Variants in MAP3K5 observed in about 807,000 individuals in gnomAD.
MAP3K5 encodes the protein mitogen-activated protein kinase kinase kinase 5.
In MAP3K5, 56 loss-of-function variants were observed where a neutral mutation model predicts 158.7. The ratio of observed to expected loss-of-function variants is 0.35; its 90% CI spans 0.28 to 0.44. MAP3K5 has a LOEUF of 0.44. Ranked by LOEUF, MAP3K5 falls within the 20% of genes least tolerant of loss-of-function variation. The probability of loss-of-function intolerance (pLI) is 1.00; values close to 1 mark genes in which losing one functional copy is unlikely to be tolerated. For synonymous variants in MAP3K5, 579 were observed against 601.7 expected (o/e 0.96, Z 0.55); for missense variants, 1,294 against 1,674.8 (o/e 0.77, Z 3.97).
chr6:136,784,087 C>A (rs776155606), intron 1 of MAP3K5, among the ~76,000 whole-genome samples: 2 of 152,186 alleles, frequency 1.3e-5, no homozygotes, highest in African/African-American at 4.8e-5. Context: ...GCCAAGGCCA[C>A]GGGTGAGACA....
At chr6:136,710,530 A>G (rs1329399713) in intron 2 of MAP3K5, among the ~76,000 whole-genome samples, 1 of 152,120 alleles carries the variant, frequency 6.6e-6, no homozygotes, top group Non-Finnish European at 1.5e-5. Flanking sequence ...TTGAAGGCAA[A>G]GACTAACTTT....
chr6:136,605,634 A>C (rs1264581320), intron 18 of MAP3K5, among the ~76,000 whole-genome samples: 1 of 152,236 alleles, frequency 6.6e-6, no homozygotes, highest in African/African-American at 2.4e-5. Flanking sequence ...TAGACAGTGG[A>C]GTATAAGTGA....
At chr6:136,768,708 G>A (rs1337427860) in intron 1 of MAP3K5, among the ~76,000 whole-genome samples, 2 of 152,064 alleles carry the variant, frequency 1.3e-5, no homozygotes, top group African/African-American at 4.8e-5. Flanking sequence ...GAGGTCAGGG[G>A]TTCGAGACCA....
intron 1 of MAP3K5, among the ~76,000 whole-genome samples, chr6:136,770,824 TA>T (rs1784167528): frequency 6.6e-6 from 1 of 152,128 alleles, no homozygotes; most frequent in Non-Finnish European, 1.5e-5. Flanking sequence ...AATCTGCACT[TA>T]AAAGGGATAA....
intron 1 of MAP3K5, among the ~76,000 whole-genome samples, chr6:136,788,075 G>C (rs983619998): frequency 6.6e-6 from 1 of 152,190 alleles, no homozygotes; most frequent in Non-Finnish European, 1.5e-5. Flanking sequence ...CCTGTTTATG[G>C]CTGCTCTTGA....
chr6:136,672,849 G>A (rs1009059799), intron 7 of MAP3K5, among the ~76,000 whole-genome samples: 7 of 151,870 alleles, frequency 4.6e-5, no homozygotes, highest in Admixed American at 2.0e-4. Flanking sequence ...AATTAGCCAG[G>A]CATGGTGGTG....
chr6:136,658,772 C>G (rs1199968130), intron 9 of MAP3K5, among the ~76,000 whole-genome samples: 1 of 152,142 alleles, frequency 6.6e-6, no homozygotes, highest in African/African-American at 2.4e-5. Flanking sequence ...TGTCATCAGT[C>G]AAATCCTAAG....
intron 2 of MAP3K5, among the ~76,000 whole-genome samples, chr6:136,707,569 G>GA (rs776509310): frequency 0.031 from 4,764 of 151,530 alleles, 80 homozygotes; most frequent in Admixed American, 0.043. Flanking sequence ...GGGGGGGGGG[G>GA]AACCCCTTGA....
In MAP3K5 at chr6:136,763,518, C is replaced by T. The variant is rs77225822; in HGVS notation, c.448+28192G>A. Reference sequence around the variant, plus strand: ...TTTCTACCCACCCTATCTATAGAAACTGAAAATTTACAGAGGGAAAAAAAA... The same window carrying T: ...TTTCTACCCACCCTATCTATAGAAATTGAAAATTTACAGAGGGAAAAAAAA... On this transcript the variant is annotated intron_variant, in intron 1 of 29. Transcript: ENST00000359015. Among the ~76,000 whole-genome samples, 639 of 152,256 alleles carry T rather than the reference C, an allele frequency of 4.2e-3. 4 individuals carry two copies. The highest frequency in any genetic ancestry group is 0.015 in the African/African-American group (613 of 41,554).
chr6:136,786,087 T>A (rs1482256022), intron 1 of MAP3K5, among the ~76,000 whole-genome samples: 1 of 152,028 alleles, frequency 6.6e-6, no homozygotes, highest in Non-Finnish European at 1.5e-5. Context: ...TTAAAAAAAA[T>A]TTAGGGCTGG....
intron 7 of MAP3K5, among the ~76,000 whole-genome samples, chr6:136,681,989 A>G (rs1219229244): frequency 9.2e-5 from 14 of 152,176 alleles, no homozygotes; most frequent in Admixed American, 9.2e-4. Context: ...CCAATCCATC[A>G]TCTGCTGAAT....
At chr6:136,595,275 C>A (rs6928133) in intron 21 of MAP3K5, among the ~76,000 whole-genome samples, 4,805 of 152,186 alleles carry the variant, frequency 0.032, 126 homozygotes, top group East Asian at 0.075. Flanking sequence ...GTGCCACCAC[C>A]CCTGGCTAAT....
At chr6:136,774,831 C>T (rs1784345916) in intron 1 of MAP3K5, among the ~76,000 whole-genome samples, 1 of 152,192 alleles carries the variant, frequency 6.6e-6, no homozygotes, top group African/African-American at 2.4e-5. Flanking sequence ...AGACATGGAA[C>T]TATATTCTAA....
intron 4 of MAP3K5, among the ~76,000 whole-genome samples, chr6:136,698,183 C>G (rs1472521372): frequency 6.6e-6 from 1 of 152,216 alleles, no homozygotes; most frequent in Admixed American, 6.5e-5. Flanking sequence ...CTTGCCCTTA[C>G]ACTAGAAGTC....
Position 136,637,396 on chromosome 6 carries a change from T to A in MAP3K5, c.1945A>T (p.Met649Leu). The stretch of plus-strand genomic sequence containing the variant: ...TTCTCTTCGGTAATGGTGTTCACCA[T>A]CTCAAAAAACCTACAATACAAGTTA... Reference protein sequence around the residue: ...TELHCKKFFEMVNTITEEKGR... With the variant: ...TELHCKKFFELVNTITEEKGR... The change falls in exon 14 of 30, where the codon ATG (methionine) becomes TTG (leucine). Residue 649 changes from methionine (M) to leucine (L), a missense_variant. Physicochemically the swap from Met to Leu is conservative, Grantham distance 15. Around this residue, in one of 5 missense-constraint regions of MAP3K5, gnomAD observed 690 missense variants for 870.5 expected, o/e 0.79. Transcript: ENST00000359015. The A allele has an allele frequency of 6.2e-7, 1 of 1,602,144 alleles. No homozygotes were observed. The highest frequency in any genetic ancestry group is 2.2e-5 in the East Asian group (1 of 44,818).
chr6:136,770,717 A>G (rs1400918309), intron 1 of MAP3K5, among the ~76,000 whole-genome samples: 1 of 152,174 alleles, frequency 6.6e-6, no homozygotes, highest in Non-Finnish European at 1.5e-5. Flanking sequence ...TGAAGGCACC[A>G]CTGTACTCCA....
At chr6:136,777,114 T>A (rs181251651) in intron 1 of MAP3K5, among the ~76,000 whole-genome samples, 1 of 152,316 alleles carries the variant, frequency 6.6e-6, no homozygotes, top group East Asian at 1.9e-4. Flanking sequence ...GCAAGAAAAG[T>A]CAAGCCAACT....
chr6:136,749,359 C>T (rs901632126), intron 1 of MAP3K5, among the ~76,000 whole-genome samples: 4 of 143,304 alleles, frequency 2.8e-5, no homozygotes, highest in Admixed American at 7.2e-5. Context: ...GGCAACAGAG[C>T]GAAACTCTGT....
At chr6:136,605,961 T>C (rs931737720) in intron 18 of MAP3K5, among the ~76,000 whole-genome samples, 24 of 152,304 alleles carry the variant, frequency 1.6e-4, no homozygotes, top group Non-Finnish European at 3.5e-4. Flanking sequence ...TATACATGAC[T>C]CCTGCTGCTG....
Sources: allele counts gnomAD v4.1 joint callset (sites outside exome capture counted in the v4.1 genomes callset), GRCh38; gene constraint gnomAD v4.1.1; regional missense constraint gnomAD v4.1.1; transcripts MANE v1.5; gene names NCBI Gene and HGNC (gene_info 2026-07-23, HGNC 2026-07-21).